Variants in SUZ12 observed in about 807,000 individuals in gnomAD.
The protein encoded by SUZ12 is SUZ12 polycomb repressive complex 2 subunit, also known as polycomb protein SUZ12.
Under a neutral mutation model 87.3 loss-of-function variants are expected in SUZ12, and 17 were observed. The ratio of observed to expected loss-of-function variants is 0.19; its 90% CI spans 0.13 to 0.29. The LOEUF is 0.29. Ranked by LOEUF, SUZ12 falls within the 10% of genes least tolerant of loss-of-function variation. The pLI is 1.00. For missense variants in SUZ12, 526 were observed against 912.2 expected (o/e 0.58, Z 5.45); for synonymous variants, 253 against 312.4 (o/e 0.81, Z 2.01).
Position 31,937,058 on chromosome 17 carries a change from A to AG in SUZ12, c.-187dup. 4.1e-6 allele frequency: 2 copies of AG among 486,962 alleles called. No homozygotes were observed. The highest frequency in any genetic ancestry group is 6.8e-6 in the Non-Finnish European group (2 of 292,936). 30.2% of individuals were successfully genotyped at this position (486,962 alleles called of 1,614,324 possible). ...GCCTCCGAAGCGGAGCGGGGCTCTG[A>AG]GGAGACACTTTTTTTTTCCTCCCTC... On this transcript the variant is annotated 5_prime_UTR_variant, in exon 1 of 16. Transcript: ENST00000322652.
At chr17:31,978,003 G>A (rs1423644754) in intron 8 of SUZ12, among the ~76,000 whole-genome samples, 1 of 152,162 alleles carries the variant, frequency 6.6e-6, no homozygotes, top group South Asian at 2.1e-4. Context: ...GTTTGGAAAC[G>A]AAATATTTTA....
At chr17:31,962,556 A>G in intron 4 of SUZ12, among the ~76,000 whole-genome samples, 1 of 151,368 alleles carries the variant, frequency 6.6e-6, no homozygotes, top group South Asian at 2.1e-4. Flanking sequence ...GTGCCACTGT[A>G]TACCAGTCTG....
chr17:31,947,716 A>G (rs1374069968), intron 4 of SUZ12, 31 bp downstream of exon 4: 2 of 1,586,208 alleles, frequency 1.3e-6, no homozygotes, highest in Non-Finnish European at 8.6e-7. Context: ...ACATTAAGTG[A>G]TATACTTTAG....
Position 32,000,631 on chromosome 17 carries a change from GT to G in SUZ12, c.*1629del. ...TAATTTGCTAAAGCTGTGCACATAT[GT>G]AAAAAAAAAAAAAAAAAGATTATTT... On this transcript the variant is annotated 3_prime_UTR_variant, in exon 16 of 16. Coordinates refer to ENST00000322652, the MANE Select transcript of SUZ12 (RefSeq NM_015355.4). 1 of 209,404 alleles carries G rather than the reference GT, an allele frequency of 4.8e-6. No individual in the cohort carries two copies. Among genetic ancestry groups the G allele is most frequent in the Non-Finnish European group, 9.2e-6 (1 of 108,850 alleles). 13.0% of individuals were successfully genotyped at this position (209,404 alleles called of 1,614,324 possible).
chr17:31,993,923 C>T lies in SUZ12; in HGVS notation c.1352C>T (p.Pro451Leu). The T allele has an allele frequency of 6.2e-7, 1 of 1,613,734 alleles. No individual in the cohort carries two copies. Among genetic ancestry groups the T allele is most frequent in the Non-Finnish European group, 8.5e-7 (1 of 1,179,916 alleles). ...QTEARDDLHC[P>L]WCTLNCRKLY... Reference sequence around the variant, plus strand: ...GAAGCAAGAGATGACCTGCATTGCCCTTGGTGTACTCTGAACTGCCGCAAA... The same window carrying T: ...GAAGCAAGAGATGACCTGCATTGCCTTTGGTGTACTCTGAACTGCCGCAAA... The change falls in exon 12 of 16, where the codon CCT (proline) becomes CTT (leucine). Residue 451 changes from proline (P) to leucine (L), a missense_variant. Transcript: ENST00000322652.
In SUZ12 at chr17:31,956,788, A is replaced by G. The variant is rs867498597; in HGVS notation, c.455+9103A>G. 2.6e-5 allele frequency among the ~76,000 whole-genome samples: 4 copies of G among 151,626 alleles called. No homozygotes were observed. The East Asian group carries it at 7.7e-4, about 29-fold the overall frequency. ...TATATATGTATATATGTATATATAT[A>G]TATTTTTTGGTTTTTTGAGACAGTC... is the stretch of plus-strand genomic sequence containing the variant. On this transcript the variant is annotated intron_variant, in intron 4 of 15. Coordinates refer to ENST00000322652, the MANE Select transcript of SUZ12 (RefSeq NM_015355.4).
Position 32,000,603 on chromosome 17 carries a change from C to T in SUZ12, c.*1600C>T, listed in dbSNP as rs550773014. The stretch of plus-strand genomic sequence containing the variant: ...GTAGATCTCGAGCGTTTATCTCGGG[C>T]TTTAATTTGCTAAAGCTGTGCACAT... On this transcript the variant is annotated 3_prime_UTR_variant, in exon 16 of 16. Coordinates refer to ENST00000322652, the MANE Select transcript of SUZ12 (RefSeq NM_015355.4). 3 of 224,098 alleles carry T rather than the reference C, an allele frequency of 1.3e-5. No individual in the cohort carries two copies. The highest frequency in any genetic ancestry group is 4.7e-5 in the African/African-American group (2 of 42,694). The allele number at this position is 224,098 out of a possible 1,614,324, so 13.9% of individuals were successfully genotyped here. A position where few individuals can be genotyped will look rare whatever the true frequency, so the allele number is the denominator to read the frequency against.
At chr17:31,966,096 T>C (rs769915022) in intron 4 of SUZ12, 51 bp from the exon 5 acceptor site, 2 of 1,472,306 alleles carry the variant, frequency 1.4e-6, no homozygotes, top group Non-Finnish European at 1.8e-6. Context: ...TCTAGGTTAT[T>C]TTACTACAGA....
At chr17:31,948,185 A>T (rs1212018814) in intron 4 of SUZ12, among the ~76,000 whole-genome samples, 3 of 152,172 alleles carry the variant, frequency 2.0e-5, no homozygotes, top group African/African-American at 7.2e-5. Context: ...TTTCTCACAT[A>T]GTTTCAGAAA....
chr17:31,986,286 CAG>C (rs1909417180), intron 9 of SUZ12, among the ~76,000 whole-genome samples: 1 of 152,130 alleles, frequency 6.6e-6, no homozygotes, highest in African/African-American at 2.4e-5. Flanking sequence ...CCTTTTAAGT[CAG>C]AGCATATAGA....
At chr17:31,984,585 C>G (rs567678778) in intron 9 of SUZ12, among the ~76,000 whole-genome samples, 1 of 152,178 alleles carries the variant, frequency 6.6e-6, no homozygotes, top group South Asian at 2.1e-4. Context: ...ATCTGTAACA[C>G]AAAATGCTAA....
intron 9 of SUZ12, among the ~76,000 whole-genome samples, chr17:31,986,771 C>T (rs1350653291): frequency 5.3e-5 from 8 of 151,978 alleles, no homozygotes; most frequent in Admixed American, 4.6e-4. Context: ...AGGATGGTCT[C>T]GAACTCCTGA....
Position 31,946,579 on chromosome 17 carries a change from G to C in SUZ12, c.387-1038G>C, listed in dbSNP as rs188427536. Among the ~76,000 whole-genome samples the C allele has an allele frequency of 3.9e-5, 6 of 152,212 alleles. No individual in the cohort carries two copies. The East Asian group carries it at 1.2e-3, about 29-fold the overall frequency. ...CAAACAAACACAAAACTCTCTTTGA[G>C]GAATGAGATTATTCGTAATTTTTGG... On this transcript the variant is annotated intron_variant, in intron 3 of 15. Transcript: ENST00000322652.
Position 31,973,140 on chromosome 17 carries a change from A to G in SUZ12, c.506-6A>G, listed in dbSNP as rs1328439256. 13 of 1,529,836 alleles carry G rather than the reference A, an allele frequency of 8.5e-6. No homozygotes were observed. The highest frequency in any genetic ancestry group is 1.4e-5 in the African/African-American group (1 of 70,004). The allele number at this position is 1,529,836 out of a possible 1,614,324, so 94.8% of individuals were successfully genotyped here. ...ATATATTTTAAAATACTGATTTTCTATTTAGATAAGCCATCACCAAACTCA... is the reference window on the plus strand; with the variant it reads ...ATATATTTTAAAATACTGATTTTCTGTTTAGATAAGCCATCACCAAACTCA... On this transcript the variant is annotated splice_polypyrimidine_tract_variant and splice_region_variant and intron_variant, in intron 5 of 15. Coordinates refer to ENST00000322652, the MANE Select transcript of SUZ12 (RefSeq NM_015355.4).
intron 14 of SUZ12, 80 bp downstream of exon 14, chr17:31,995,842 TATTG>T: frequency 9.7e-7 from 1 of 1,032,612 alleles, no homozygotes; most frequent in Non-Finnish European, 1.4e-6. Flanking sequence ...ACTAGACTTT[TATTG>T]TAAAGGAACT....
At chr17:31,983,352 T>C (rs1909224406) in intron 9 of SUZ12, among the ~76,000 whole-genome samples, 1 of 149,590 alleles carries the variant, frequency 6.7e-6, no homozygotes, top group Non-Finnish European at 1.5e-5. Flanking sequence ...CTCGGCTCAC[T>C]GCAACCTCCA....
At chr17:31,950,271 TA>T (rs1231567745) in intron 4 of SUZ12, among the ~76,000 whole-genome samples, 1 of 152,218 alleles carries the variant, frequency 6.6e-6, no homozygotes, top group Non-Finnish European at 1.5e-5. Flanking sequence ...TATTTCAAAT[TA>T]AGGTAATCTT....
chr17:31,952,070 A>G (rs1015965192), intron 4 of SUZ12, among the ~76,000 whole-genome samples: 3 of 151,526 alleles, frequency 2.0e-5, no homozygotes, highest in African/African-American at 7.3e-5. Context: ...CACTGCGCCC[A>G]GCCTTCTTTT....
At chr17:31,983,369 G>A (rs1366235436) in intron 9 of SUZ12, among the ~76,000 whole-genome samples, 1 of 148,350 alleles carries the variant, frequency 6.7e-6, no homozygotes, top group Non-Finnish European at 1.5e-5. Context: ...TCCACCTCCC[G>A]GGTTCAAGCG....
Sources: gnomAD v4.1 joint callset for allele counts (sites outside exome capture counted in the v4.1 genomes callset) on GRCh38, gnomAD v4.1.1 for gene constraint, MANE v1.5 for transcripts, NCBI Gene and HGNC (gene_info 2026-07-23, HGNC 2026-07-21) for gene names.